Variants in SLC8A2 observed in about 807,000 individuals in gnomAD.
SLC8A2 encodes solute carrier family 8 member A2, also known as sodium/calcium exchanger 2.
A neutral mutation model predicts 70.2 loss-of-function variants in SLC8A2; 14 were observed. The observed-to-expected ratio is 0.20, with a 90% CI of 0.13 to 0.31. The LOEUF (loss-of-function observed/expected upper bound fraction) is 0.31. Among genes scored for constraint, SLC8A2 ranks in the 10% least tolerant of loss-of-function variants. SLC8A2 has a pLI of 1.00. For missense variants in SLC8A2, 779 were observed against 1,320.1 expected, an observed-to-expected ratio of 0.59 and a Z score of 6.35; for synonymous variants, 575 against 594.3, an observed-to-expected ratio of 0.97 and a Z score of 0.47.
intron 1 of SLC8A2, among the ~76,000 whole-genome samples, chr19:47,469,879 C>T (rs1372367246): frequency 6.6e-6 from 1 of 152,190 alleles, no homozygotes; most frequent in South Asian, 2.1e-4. Context: ...CCAGCTGGGT[C>T]GGCAGTGAGC....
chr19:47,431,185 C>T (rs529505462), intron 9 of SLC8A2, among the ~76,000 whole-genome samples: 2 of 151,698 alleles, frequency 1.3e-5, no homozygotes, highest in African/African-American at 2.4e-5. Context: ...TGCGCCACCA[C>T]GTCCAGCTAA....
rs73940849 is a variant in SLC8A2, at chr19:47,447,544, A to C, written c.1763+265T>G. On this transcript the variant is annotated intron_variant, in intron 4 of 9. Transcript: ENST00000236877. This position sits in a 1 kb window ranked among gnomAD's most constrained non-coding sequence, Gnocchi z 5.1. ...CCTAGGCCCCGCCCCTCCCGAGGCC[A>C]AGCCCACTTTGGAGAACGATTCACT... The C allele has an allele frequency of 2.1e-6, 1 of 470,852 alleles. No individual in the cohort carries two copies. 29.2% of individuals were successfully genotyped at this position (470,852 alleles called of 1,614,324 possible).
intron 8 of SLC8A2, among the ~76,000 whole-genome samples, chr19:47,435,131 C>T (rs1967009890): frequency 6.6e-6 from 1 of 151,848 alleles, no homozygotes; most frequent in Non-Finnish European, 1.5e-5. Flanking sequence ...ATCGCTTGAA[C>T]CCAGGAGGAG....
intron 9 of SLC8A2, among the ~76,000 whole-genome samples, chr19:47,431,681 C>A (rs55924347): frequency 0.18 from 6,612 of 35,802 alleles, 709 homozygotes; most frequent in Non-Finnish European, 0.4. Flanking sequence ...AAAAAAAAAA[C>A]AAAACCCAAA....
chr19:47,432,423 GTCCTCCTCC>G lies in SLC8A2; in HGVS notation c.2124_2132del (p.Glu708_Glu710del), dbSNP rs779703451. The G allele has an allele frequency of 6.6e-7, 1 of 1,511,454 alleles. No individual in the cohort carries two copies. Among genetic ancestry groups the G allele is most frequent in the African/African-American group, 1.4e-5 (1 of 72,734 alleles). The allele number at this position is 1,511,454 out of a possible 1,614,324, so 93.6% of individuals were successfully genotyped here. On this transcript the variant is annotated inframe_deletion, in exon 9 of 10. Transcript: ENST00000236877. This position sits in a 1 kb window ranked among gnomAD's most constrained non-coding sequence, Gnocchi z 6.2. ...ACGGCAGCCGCTCCTCCCGGGACCC[GTCCTCCTCC>G]TCCTCCTCGTCCCCTGTGGGCACAC...
At position 47,465,726 on chromosome 19, in the gene SLC8A2, C is replaced by A; in HGVS notation, c.675+3G>T. On this transcript the variant is annotated splice_donor_region_variant and intron_variant, in intron 2 of 9. Transcript: ENST00000236877. The surrounding 1 kb of genome is among the most constrained non-coding windows in gnomAD (Gnocchi z 5.5). ...AAGAAAGCATCTATGCGTCTTTGCTCACCTGGACCACACCGGGGGAAAAAA... is the reference window on the plus strand; with the variant it reads ...AAGAAAGCATCTATGCGTCTTTGCTAACCTGGACCACACCGGGGGAAAAAA... 1 of 1,605,844 alleles carries A rather than the reference C, an allele frequency of 6.2e-7. No individual in the cohort carries two copies. The highest frequency in any genetic ancestry group is 1.1e-5 in the South Asian group (1 of 90,052).
At position 47,437,973 on chromosome 19, in the gene SLC8A2, C is replaced by G. The variant is rs1220684577; in HGVS notation, c.1886G>C (p.Gly629Ala). 1 of 1,614,080 alleles carries G rather than the reference C, an allele frequency of 6.2e-7. No individual in the cohort carries two copies. Among genetic ancestry groups the G allele is most frequent in the East Asian group, 2.2e-5 (1 of 44,866 alleles). Residue 629 changes from glycine (G) to alanine (A), a missense_variant and splice_region_variant, in exon 7 of 10, where the codon GGG (glycine) becomes GCG (alanine). Coordinates refer to ENST00000236877, the MANE Select transcript of SLC8A2 (RefSeq NM_015063.3). Reference protein sequence around the residue: ...RGISALLLNQGDGDRKLTAEE... With the variant: ...RGISALLLNQADGDRKLTAEE... ...GGCTGTTAGCTTCCTGTCCCCATCCCCTGCAGCATGAGGGGTGGGGGTTAG... is the reference window on the plus strand; with the variant it reads ...GGCTGTTAGCTTCCTGTCCCCATCCGCTGCAGCATGAGGGGTGGGGGTTAG...
chr19:47,453,539 AG>A (rs1270344541), intron 3 of SLC8A2, among the ~76,000 whole-genome samples: 7 of 152,208 alleles, frequency 4.6e-5, no homozygotes, highest in African/African-American at 1.7e-4. Context: ...AAGGAAGGAT[AG>A]GAAGATGTTG....
At chr19:47,452,937 G>T (rs892541598) in intron 3 of SLC8A2, among the ~76,000 whole-genome samples, 1 of 152,148 alleles carries the variant, frequency 6.6e-6, no homozygotes, top group African/African-American at 2.4e-5. Flanking sequence ...AGACGCTGAG[G>T]CATGAGAATC....
rs1384763864 is a variant in SLC8A2, at chr19:47,429,282, C to A, written c.*807G>T. On this transcript the variant is annotated 3_prime_UTR_variant, in exon 10 of 10. Transcript: ENST00000236877. ...CCCAAGACATGCACCCTCCCGCGTC[C>A]CCCCTCCCCCAAACACACTATATAC... 2.0e-5 allele frequency: 3 copies of A among 152,636 alleles called. No homozygotes were observed. Among genetic ancestry groups the A allele is most frequent in the Non-Finnish European group, 4.4e-5 (3 of 68,126 alleles). 9.5% of individuals were successfully genotyped at this position (152,636 alleles called of 1,614,324 possible).
rs192837298 is a variant in SLC8A2 at position 47,465,180 on chromosome 19, A to G, written c.675+549T>C. The stretch of plus-strand genomic sequence containing the variant: ...TATATCTATGCGAGCCCATGGATAA[A>G]TTATGCAAATTGCACTAAGTTACTC... On this transcript the variant is annotated intron_variant, in intron 2 of 9. Coordinates refer to ENST00000236877, the MANE Select transcript of SLC8A2 (RefSeq NM_015063.3). The surrounding 1 kb of genome is among the most constrained non-coding windows in gnomAD (Gnocchi z 5.5). Among the ~76,000 whole-genome samples the G allele has an allele frequency of 1.0e-3, 156 of 152,364 alleles. No homozygotes were observed. Among genetic ancestry groups the G allele is most frequent in the African/African-American group, 3.6e-3 (148 of 41,586 alleles).
chr19:47,443,621 T>C (rs1445780485), intron 4 of SLC8A2, among the ~76,000 whole-genome samples: 3 of 152,204 alleles, frequency 2.0e-5, no homozygotes, highest in East Asian at 1.9e-4. Context: ...ACCACAGCCT[T>C]GGCGACATCG....
chr19:47,438,162 T>G (rs531705996), intron 6 of SLC8A2, among the ~76,000 whole-genome samples, 189 bp from the exon 7 acceptor site: 2 of 152,236 alleles, frequency 1.3e-5, no homozygotes, highest in East Asian at 1.9e-4. Context: ...TCCCAAGGGT[T>G]GGTTCATGAT....
At chr19:47,452,445 A>AGAGT (rs1568444583) in intron 3 of SLC8A2, among the ~76,000 whole-genome samples, 30 of 54,088 alleles carry the variant, frequency 5.5e-4, no homozygotes, top group African/African-American at 2.3e-3. Context: ...AGAGAGAGAG[A>AGAGT]GTGTGTGTGT....
chr19:47,448,410 C>T lies in SLC8A2; in HGVS notation c.1341-179G>A, dbSNP rs1967196830. Among the ~76,000 whole-genome samples, 2 of 152,102 alleles carry T rather than the reference C, an allele frequency of 1.3e-5. No individual in the cohort carries two copies. Among genetic ancestry groups the T allele is most frequent in the Admixed American group, 1.3e-4 (2 of 15,272 alleles). ...CTGAGGGTGAATCGGGGTGGGCGTC[C>T]TGGAGGAAGGGCTGCAGAGCGGGAA... On this transcript the variant is annotated intron_variant, in intron 3 of 9. Coordinates refer to ENST00000236877, the MANE Select transcript of SLC8A2 (RefSeq NM_015063.3). The surrounding 1 kb of genome is among the most constrained non-coding windows in gnomAD (Gnocchi z 4.8).
At chr19:47,435,988 T>C (rs978742977) in intron 8 of SLC8A2, among the ~76,000 whole-genome samples, 23 of 152,178 alleles carry the variant, frequency 1.5e-4, no homozygotes, top group African/African-American at 4.8e-4. Flanking sequence ...CTCCCTACTG[T>C]GGTCCACAAG....
intron 4 of SLC8A2, among the ~76,000 whole-genome samples, chr19:47,443,997 G>T (rs965118944): frequency 6.6e-6 from 1 of 152,088 alleles, no homozygotes; most frequent in African/African-American, 2.4e-5. Flanking sequence ...CAGGGCTCAA[G>T]CAATCCTCCC....
At chr19:47,449,149 C>A (rs1198588600) in intron 3 of SLC8A2, among the ~76,000 whole-genome samples, 2 of 152,064 alleles carry the variant, frequency 1.3e-5, no homozygotes, top group African/African-American at 2.4e-5. Context: ...TAAACAAACA[C>A]AGGATGTCAG....
intron 3 of SLC8A2, among the ~76,000 whole-genome samples, chr19:47,455,616 C>G (rs534122473): frequency 2.7e-4 from 41 of 152,174 alleles, no homozygotes; most frequent in Admixed American, 9.2e-4. Context: ...CTGTTCAAAG[C>G]ATGATGTAGG....
Sources: allele counts gnomAD v4.1 joint callset (sites outside exome capture counted in the v4.1 genomes callset), GRCh38; gene constraint gnomAD v4.1.1; non-coding constraint Gnocchi (gnomAD v3.1); transcripts MANE v1.5; gene names NCBI Gene and HGNC (gene_info 2026-07-23, HGNC 2026-07-21).